USP43: variants seen among roughly 807,000 people sequenced by gnomAD.
The protein encoded by USP43 is ubiquitin carboxyl-terminal hydrolase 43.
A neutral mutation model predicts 90.7 loss-of-function variants in USP43; 33 were observed. That is an observed-to-expected ratio of 0.36 (90% CI 0.28 to 0.49). The LOEUF (loss-of-function observed/expected upper bound fraction) is 0.49. Ranked by LOEUF, USP43 falls within the 20% of genes least tolerant of loss-of-function variation. USP43 has a pLI of 0.98. For synonymous variants in USP43, 598 were observed against 615.8 expected (o/e 0.97, Z 0.43); for missense variants, 1,274 against 1,476.4 (o/e 0.86, Z 2.25).
chr17:9,706,892 C>T (rs1442412860), intron 12 of USP43, among the ~76,000 whole-genome samples: 1 of 151,990 alleles, frequency 6.6e-6, no homozygotes, highest in African/African-American at 2.4e-5. Context: ...ATCTGCCCGC[C>T]TCGGCCTCCC....
chr17:9,719,989 C>T (rs925133815), intron 14 of USP43, among the ~76,000 whole-genome samples: 1 of 152,068 alleles, frequency 6.6e-6, no homozygotes, highest in African/African-American at 2.4e-5. Context: ...ATCACTTGAG[C>T]CCAAGAAGTG....
chr17:9,677,052 C>T (rs1029923946), intron 5 of USP43, among the ~76,000 whole-genome samples, 171 bp downstream of exon 5: 1 of 152,134 alleles, frequency 6.6e-6, no homozygotes, highest in African/African-American at 2.4e-5. Flanking sequence ...CTTGACTTTT[C>T]CCTGCATTGA....
chr17:9,703,656 G>A (rs952537182), intron 12 of USP43, among the ~76,000 whole-genome samples: 5 of 152,220 alleles, frequency 3.3e-5, no homozygotes, highest in African/African-American at 4.8e-5. Context: ...GCAGGGCAGT[G>A]TGTGCAGCCA....
intron 14 of USP43, among the ~76,000 whole-genome samples, chr17:9,723,517 T>TTTCCC (rs1315499199): frequency 2.1e-4 from 23 of 110,432 alleles, no homozygotes; most frequent in Non-Finnish European, 3.9e-4. Context: ...CTTCCCTTCC[T>TTTCCC]TTCCCTTCCC....
Position 9,646,129 on chromosome 17 carries a change from A to G in USP43, c.497A>G (p.Glu166Gly). Residue 166 changes from glutamate to glycine, a missense_variant, in exon 1 of 15, where the codon GAG (glutamate) becomes GGG (glycine). This residue lies in a region of USP43 where 259 missense variants were observed against 373.7 expected (regional missense o/e 0.69). Transcript: ENST00000285199. The part of the protein sequence containing the change: ...TREYTPQLSA[E>G]FKNAVSKYGS... ...GAATACACGCCCCAACTTTCCGCGG[A>G]GTTCAAGGTAGGCAGCGCTGCGCCG... 1 of 1,449,984 alleles carries G rather than the reference A, an allele frequency of 6.9e-7. No individual in the cohort carries two copies. The allele number at this position is 1,449,984 out of a possible 1,614,324, so 89.8% of individuals were successfully genotyped here.
At chr17:9,688,373 A>T (rs576075878) in intron 8 of USP43, among the ~76,000 whole-genome samples, 1 of 141,642 alleles carries the variant, frequency 7.1e-6, no homozygotes, top group East Asian at 2.2e-4. Flanking sequence ...TTTTTTTGAG[A>T]TGGAGTCTCG....
intron 1 of USP43, among the ~76,000 whole-genome samples, chr17:9,651,770 C>A (rs1875597496): frequency 6.6e-6 from 1 of 152,010 alleles, no homozygotes; most frequent in Admixed American, 6.6e-5. Context: ...GCCTTCTTCA[C>A]CACTCTTGTG....
intron 8 of USP43, among the ~76,000 whole-genome samples, chr17:9,689,752 G>T (rs1343757995): frequency 6.6e-6 from 1 of 152,142 alleles, no homozygotes; most frequent in Non-Finnish European, 1.5e-5. Flanking sequence ...ACGGGGGTGT[G>T]TGAGGCCAGC....
chr17:9,647,583 CACG>C (rs1290974004), intron 1 of USP43: 1 of 152,166 alleles, frequency 6.6e-6, no homozygotes, highest in South Asian at 2.1e-4. Flanking sequence ...ATTATTCTAT[CACG>C]ACACCTTCTC....
At chr17:9,688,449 C>T (rs969288337) in intron 8 of USP43, among the ~76,000 whole-genome samples, 2 of 151,106 alleles carry the variant, frequency 1.3e-5, no homozygotes, top group Non-Finnish European at 2.9e-5. Context: ...CTCCCAGGTT[C>T]AAGCGATTCT....
At position 9,686,725 on chromosome 17, in the gene USP43, A is replaced by G. The variant is rs1914614306; in HGVS notation, c.1242-73A>G. ...CTATTGACAGGAAGCCAGGGTTAGA[A>G]CAACCACTCATGACTGGTGGATGTT... On this transcript the variant is annotated intron_variant, in intron 7 of 14. Coordinates refer to ENST00000285199, the MANE Select transcript of USP43 (RefSeq NM_153210.5). This position sits in a 1 kb window ranked among gnomAD's most constrained non-coding sequence, Gnocchi z 5.5. The G allele has an allele frequency of 7.4e-7, 1 of 1,359,482 alleles. No homozygotes were observed. The highest frequency in any genetic ancestry group is 1.3e-5 in the South Asian group (1 of 79,924). The allele number at this position is 1,359,482 out of a possible 1,614,324, so 84.2% of individuals were successfully genotyped here.
In USP43 at chr17:9,674,803, G is replaced by A. The variant is rs1005377837; in HGVS notation, c.741-88G>A. 2 of 1,080,146 alleles carry A rather than the reference G, an allele frequency of 1.9e-6. No homozygotes were observed. The highest frequency in any genetic ancestry group is 2.8e-6 in the Non-Finnish European group (2 of 703,574). The allele number at this position is 1,080,146 out of a possible 1,614,324, so 66.9% of individuals were successfully genotyped here. ...ACCTACGAGTGGAATCACAGGGAGTGGAAATGCAAGGATAATTCTGTATTG... is the reference window on the plus strand; with the variant it reads ...ACCTACGAGTGGAATCACAGGGAGTAGAAATGCAAGGATAATTCTGTATTG... On this transcript the variant is annotated intron_variant, in intron 3 of 14. Coordinates refer to ENST00000285199, the MANE Select transcript of USP43 (RefSeq NM_153210.5). This position sits in a 1 kb window ranked among gnomAD's most constrained non-coding sequence, Gnocchi z 4.4.
Position 9,693,150 on chromosome 17 carries a change from C to A in USP43, c.1377C>A (p.Ile459=), listed in dbSNP as rs373376143. 2.5e-6 allele frequency: 4 copies of A among 1,613,680 alleles called. No homozygotes were observed. The highest frequency in any genetic ancestry group is 3.4e-6 in the Non-Finnish European group (4 of 1,179,814). Reference sequence around the variant, plus strand: ...AGAACCTGGGGTCTCTGTTCTCCATCCGTGTTGTGGGACTCTCTGTGGCCT... The same window carrying A: ...AGAACCTGGGGTCTCTGTTCTCCATACGTGTTGTGGGACTCTCTGTGGCCT... The part of the protein sequence containing the change: ...PVQNLGSLFS[I]RVVGLSVACS... The change falls in exon 9 of 15, where the codon ATC becomes ATA. Residue 459 remains isoleucine, a synonymous_variant. Transcript: ENST00000285199.
At chr17:9,695,731 T>C (rs1915221118) in intron 9 of USP43, among the ~76,000 whole-genome samples, 1 of 152,202 alleles carries the variant, frequency 6.6e-6, no homozygotes, top group Admixed American at 6.5e-5. Flanking sequence ...CAAAAATCTT[T>C]CATCTTGCAA....
Position 9,686,880 on chromosome 17 carries a change from C to T in USP43, c.1324C>T (p.His442Tyr). The T allele has an allele frequency of 1.9e-6, 3 of 1,613,734 alleles. No individual in the cohort carries two copies. Among genetic ancestry groups the T allele is most frequent in the South Asian group, 2.2e-5 (2 of 91,070 alleles). Residue 442 changes from histidine (H) to tyrosine (Y), a missense_variant, in exon 8 of 15, where the codon CAT becomes TAT. By Grantham distance (83) the His-to-Tyr change is moderately conservative (BLOSUM62 2). Coordinates refer to ENST00000285199, the MANE Select transcript of USP43 (RefSeq NM_153210.5). This position sits in a 1 kb window ranked among gnomAD's most constrained non-coding sequence, Gnocchi z 5.5. The stretch of plus-strand genomic sequence containing the variant: ...GCAGTCTATCCTCAGCAAGGTCCGC[C>T]ATCTTATGAAGAGTGAGGCCCCTGT... ...LQQSILSKVR[H>Y]LMKSEAPVQN... is the part of the protein sequence containing the mutation.
intron 14 of USP43, among the ~76,000 whole-genome samples, chr17:9,721,684 G>A (rs528015397): frequency 5.3e-4 from 80 of 151,700 alleles, no homozygotes; most frequent in Non-Finnish European, 9.0e-4. Context: ...ACTCCTGGCA[G>A]GAAGGAAATA....
chr17:9,657,361 G>A (rs1288366090), intron 2 of USP43, among the ~76,000 whole-genome samples: 1 of 151,992 alleles, frequency 6.6e-6, no homozygotes, highest in Non-Finnish European at 1.5e-5. Flanking sequence ...ATAAAAATGA[G>A]CCAGGTGTGG....
intron 1 of USP43, among the ~76,000 whole-genome samples, chr17:9,648,053 C>A (rs1019975490): frequency 6.6e-6 from 1 of 151,980 alleles, no homozygotes; most frequent in South Asian, 2.1e-4. Context: ...CAAAAAACTC[C>A]GAAATTAGTA....
intron 14 of USP43, among the ~76,000 whole-genome samples, chr17:9,718,081 C>T (rs1916701755): frequency 6.6e-6 from 1 of 152,060 alleles, no homozygotes; most frequent in Admixed American, 6.5e-5. Flanking sequence ...CAGGTGTGAG[C>T]CACCGCGCCC....
Sources: allele counts gnomAD v4.1 joint callset (sites outside exome capture counted in the v4.1 genomes callset), GRCh38; gene constraint gnomAD v4.1.1; regional missense constraint gnomAD v4.1.1; non-coding constraint Gnocchi (gnomAD v3.1); transcripts MANE v1.5; gene names NCBI Gene and HGNC (gene_info 2026-07-23, HGNC 2026-07-21).